Variants in CFAP91 observed in about 807,000 individuals in gnomAD.
The protein encoded by CFAP91 is cilia- and flagella-associated protein 91.
CFAP91 carries 85 observed loss-of-function variants against 95.9 expected under a neutral mutation model. The observed-to-expected ratio is 0.89, with a 90% CI of 0.74 to 1.06. CFAP91 has a LOEUF of 1.06. Ranked by LOEUF, CFAP91 falls within the 50% of genes least tolerant of loss-of-function variation. The pLI, the probability that CFAP91 is intolerant of heterozygous loss-of-function variation, is 0.00. For missense variants in CFAP91, 962 were observed against 943.4 expected, an observed-to-expected ratio of 1.02 and a Z score of -0.26; for synonymous variants, 335 against 327.5, an observed-to-expected ratio of 1.02 and a Z score of -0.25.
intron 17 of CFAP91, among the ~76,000 whole-genome samples, chr3:119,757,488 T>TA (rs1000781656): frequency 4.6e-5 from 7 of 150,632 alleles, no homozygotes; most frequent in Non-Finnish European, 5.9e-5. Context: ...TACCAAAAAT[T>TA]AAAAAAAAAT....
intron 7 of CFAP91, among the ~76,000 whole-genome samples, chr3:119,729,841 G>A (rs1169169100): frequency 6.6e-6 from 1 of 152,134 alleles, no homozygotes; most frequent in African/African-American, 2.4e-5. Context: ...AGGATAGCAT[G>A]CCAGAACCGC....
intron 6 of CFAP91, among the ~76,000 whole-genome samples, chr3:119,723,094 G>A (rs2053718011): frequency 6.6e-6 from 1 of 152,018 alleles, no homozygotes; most frequent in Non-Finnish European, 1.5e-5. Flanking sequence ...AAAAGCAAAA[G>A]CAACAATACT....
intron 14 of CFAP91, among the ~76,000 whole-genome samples, chr3:119,744,657 G>A (rs1038604151): frequency 2.0e-5 from 3 of 152,166 alleles, no homozygotes; most frequent in Admixed American, 6.5e-5. Flanking sequence ...TCGTGAGGTA[G>A]GAAAGTTGAG....
At chr3:119,753,580 A>G (rs920407534) in intron 17 of CFAP91, among the ~76,000 whole-genome samples, 1 of 152,250 alleles carries the variant, frequency 6.6e-6, no homozygotes, top group Non-Finnish European at 1.5e-5. Context: ...GTGAGGAGAC[A>G]TGACAGTCTG....
intron 13 of CFAP91, among the ~76,000 whole-genome samples, chr3:119,741,231 A>G (rs966569187): frequency 6.6e-6 from 1 of 152,238 alleles, no homozygotes; most frequent in Non-Finnish European, 1.5e-5. Flanking sequence ...CAACAAAACA[A>G]GAAGAATGCA....
Position 119,737,226 on chromosome 3 carries a change from A to G in CFAP91, c.1345-140A>G, listed in dbSNP as rs1577227794. On this transcript the variant is annotated intron_variant, in intron 10 of 17. Transcript: ENST00000273390. ...AAGGAAAATATAGGGTACAATATAC[A>G]TTATTCAGGTGATGGGTATGCTAAA... 8.6e-6 allele frequency: 5 copies of G among 580,966 alleles called. No homozygotes were observed. In the East Asian group the frequency reaches 1.5e-4, roughly 17 times the overall value. 36.0% of individuals were successfully genotyped at this position (580,966 alleles called of 1,614,324 possible).
At chr3:119,748,581 T>C (rs956543224) in intron 16 of CFAP91, among the ~76,000 whole-genome samples, 12 of 152,194 alleles carry the variant, frequency 7.9e-5, no homozygotes, top group Non-Finnish European at 5.9e-5. Flanking sequence ...CTCAGAAGTA[T>C]TGAAAATTAT....
intron 6 of CFAP91, among the ~76,000 whole-genome samples, chr3:119,717,289 C>T (rs1027519829): frequency 6.6e-6 from 1 of 152,168 alleles, no homozygotes; most frequent in Non-Finnish European, 1.5e-5. Context: ...GTGATAAGGA[C>T]TTGGCGTTAA....
At chr3:119,760,836 A>G (rs1296248436) in intron 17 of CFAP91, among the ~76,000 whole-genome samples, 2 of 151,804 alleles carry the variant, frequency 1.3e-5, no homozygotes, top group Non-Finnish European at 3.0e-5. Context: ...GCAAATGAAA[A>G]TGGAAACACA....
chr3:119,732,308 G>T lies in CFAP91; in HGVS notation c.1033G>T (p.Val345Leu). ...RTHVSTIRKL[V>L]GKRKNIEGKL... ...TTTTATTTCAGCAATCAGAAAACTT[G>T]TAGGAAAGAGAAAGAATATAGAAGG... Residue 345 changes from valine to leucine, a missense_variant, in exon 9 of 18, where the codon GTA becomes TTA. By Grantham distance (32) the Val-to-Leu change is conservative (BLOSUM62 1). Coordinates refer to ENST00000273390, the MANE Select transcript of CFAP91 (RefSeq NM_033364.4). 1 of 1,600,912 alleles carries T rather than the reference G, an allele frequency of 6.2e-7. No homozygotes were observed.
At chr3:119,723,859 A>T (rs2107875543) in intron 6 of CFAP91, among the ~76,000 whole-genome samples, 1 of 152,310 alleles carries the variant, frequency 6.6e-6, no homozygotes, top group African/African-American at 2.4e-5. Flanking sequence ...AGTGCTTGGC[A>T]TAATAAAAGT....
At chr3:119,714,474 T>G (rs2107862210) in intron 5 of CFAP91, among the ~76,000 whole-genome samples, 1 of 152,352 alleles carries the variant, frequency 6.6e-6, no homozygotes, top group African/African-American at 2.4e-5. Context: ...GAAGGCCTGT[T>G]TCTTCACAAC....
At chr3:119,748,362 C>G (rs1204343631) in intron 16 of CFAP91, among the ~76,000 whole-genome samples, 1 of 152,168 alleles carries the variant, frequency 6.6e-6, no homozygotes, top group Non-Finnish European at 1.5e-5. Flanking sequence ...TCTGCTGGAA[C>G]TCCATCCAAG....
At chr3:119,729,630 C>T (rs539394110) in intron 7 of CFAP91, among the ~76,000 whole-genome samples, 6 of 148,324 alleles carry the variant, frequency 4.0e-5, no homozygotes, top group African/African-American at 1.2e-4. Flanking sequence ...GGCAACAGAG[C>T]GAGACTCTGT....
intron 3 of CFAP91, 68 bp downstream of exon 3, chr3:119,707,629 A>G: frequency 3.6e-6 from 5 of 1,402,516 alleles, no homozygotes; most frequent in Non-Finnish European, 4.7e-6. Flanking sequence ...TTCATTTACC[A>G]TGTGTGGTTT....
chr3:119,714,460 A>G (rs2053538796), intron 5 of CFAP91, among the ~76,000 whole-genome samples: 1 of 151,864 alleles, frequency 6.6e-6, no homozygotes, highest in African/African-American at 2.4e-5. Flanking sequence ...TCAACAGTTT[A>G]TGAGAAGGCC....
intron 13 of CFAP91, among the ~76,000 whole-genome samples, chr3:119,742,691 A>G (rs1300331663): frequency 6.6e-6 from 1 of 152,028 alleles, no homozygotes; most frequent in East Asian, 1.9e-4. Flanking sequence ...CTTTTTTTCC[A>G]TCTCTCCCTA....
At chr3:119,742,064 C>T (rs561596977) in intron 13 of CFAP91, among the ~76,000 whole-genome samples, 3 of 152,044 alleles carry the variant, frequency 2.0e-5, no homozygotes, top group Non-Finnish European at 4.4e-5. Context: ...TGAAAAAATG[C>T]CCTCCTTGGC....
chr3:119,703,525 C>T (rs1465529788), intron 1 of CFAP91, among the ~76,000 whole-genome samples: 1 of 152,220 alleles, frequency 6.6e-6, no homozygotes, highest in Non-Finnish European at 1.5e-5. Flanking sequence ...TTTGTACACT[C>T]GGAGATTCAC....
Sources: gnomAD v4.1 joint callset for allele counts (sites outside exome capture counted in the v4.1 genomes callset) on GRCh38, gnomAD v4.1.1 for gene constraint, MANE v1.5 for transcripts, NCBI Gene and HGNC (gene_info 2026-07-23, HGNC 2026-07-21) for gene names.